KIAA1549: variants seen among roughly 807,000 people sequenced by gnomAD.
The protein encoded by KIAA1549 is UPF0606 protein KIAA1549.
KIAA1549 carries 70 observed loss-of-function variants against 156.4 expected under a neutral mutation model. The ratio of observed to expected loss-of-function variants is 0.45; its 90% confidence interval spans 0.37 to 0.55. The LOEUF is 0.55. Ranked by LOEUF, KIAA1549 falls within the 20% of genes least tolerant of loss-of-function variation. The pLI is 0.00. For missense variants in KIAA1549, 2,428 were observed against 2,540.9 expected (o/e 0.96, Z 0.96); for synonymous variants, 1,103 against 1,066.4 (o/e 1.03, Z -0.67).
At chr7:138,871,107 G>A (rs757255048) in intron 13 of KIAA1549, 50 bp downstream of exon 13, 45 of 1,557,252 alleles carry the variant, frequency 2.9e-5, no homozygotes, top group East Asian at 2.1e-4. Context: ...ATAAGCCACC[G>A]GGCTTAGCCG....
Position 138,909,045 on chromosome 7 carries a change from T to C in KIAA1549, c.3222A>G (p.Thr1074=). The change falls in exon 5 of 20, where the codon ACA becomes ACG. Residue 1074 remains threonine, a synonymous_variant. Transcript: ENST00000422774. ...FTQRIEKGLM[T]ALFEVRKHHQ... ...GGTGTTTTCTCACTTCAAAGAGAGC[T>C]GTCATTAGGCCTTTCTCAATGCGCT... is the stretch of plus-strand genomic sequence containing the variant. The C allele has an allele frequency of 6.2e-7, 1 of 1,614,030 alleles. No homozygotes were observed. The highest frequency in any genetic ancestry group is 8.5e-7 in the Non-Finnish European group (1 of 1,179,870).
chr7:138,844,916 C>G (rs1810031660), intron 17 of KIAA1549, among the ~76,000 whole-genome samples: 1 of 151,926 alleles, frequency 6.6e-6, no homozygotes, highest in Non-Finnish European at 1.5e-5. Context: ...GTCCCCCAGG[C>G]TGGAGTGCAG....
intron 1 of KIAA1549, among the ~76,000 whole-genome samples, chr7:138,947,763 C>CT (rs879306946): frequency 4.2e-4 from 62 of 147,160 alleles, no homozygotes; most frequent in East Asian, 9.9e-4. Flanking sequence ...CAGGGGCCAA[C>CT]TTTTTTTTTT....
chr7:138,876,051 G>A (rs369996516), intron 12 of KIAA1549, among the ~76,000 whole-genome samples: 39 of 151,830 alleles, frequency 2.6e-4, no homozygotes, highest in Non-Finnish European at 7.4e-5. Flanking sequence ...CGCAACCCAC[G>A]TTAACATCCT....
At chr7:138,970,527 C>A (rs1164465854) in intron 1 of KIAA1549, among the ~76,000 whole-genome samples, 4 of 152,172 alleles carry the variant, frequency 2.6e-5, no homozygotes, top group Non-Finnish European at 5.9e-5. Context: ...TGAAGTACAC[C>A]CAACTTCAAT....
In KIAA1549 at chr7:138,918,296, A is replaced by C. The variant is rs1812414943; in HGVS notation, c.1330T>G (p.Ser444Ala). ...CACAGAGTCTCGGCACCATCCCCTG[A>C]TCCCACGTCTTTCTCCATGAGGCTC... Reference protein sequence around the residue: ...ATSLMEKDVGSGDGAETLCMT... With the variant: ...ATSLMEKDVGAGDGAETLCMT... Residue 444 changes from serine (S) to alanine (A), a missense_variant, in exon 2 of 20, where the codon TCA becomes GCA. Ser to Ala is a moderately conservative substitution (Grantham distance 99). This residue lies in a region of KIAA1549 where 893 missense variants were observed against 847.9 expected (regional missense o/e 1.05). Transcript: ENST00000422774. This position sits in a 1 kb window ranked among gnomAD's most constrained non-coding sequence, Gnocchi z 4.2. 1 of 1,613,970 alleles carries C rather than the reference A, an allele frequency of 6.2e-7. No homozygotes were observed. The highest frequency in any genetic ancestry group is 8.5e-7 in the Non-Finnish European group (1 of 1,179,886).
intron 13 of KIAA1549, 33 bp from the exon 14 acceptor site, chr7:138,869,794 T>C (rs764362895): frequency 6.5e-6 from 10 of 1,541,966 alleles, no homozygotes; most frequent in Non-Finnish European, 8.9e-6. Context: ...AAGACAGCCA[T>C]AGAGGTCCCG....
chr7:138,933,132 A>G (rs1009539710), intron 1 of KIAA1549, among the ~76,000 whole-genome samples: 1 of 152,176 alleles, frequency 6.6e-6, no homozygotes, highest in Non-Finnish European at 1.5e-5. Flanking sequence ...TGAAGGGCAG[A>G]TGAGGAAACA....
At chr7:138,930,686 A>G (rs79520825) in intron 1 of KIAA1549, among the ~76,000 whole-genome samples, 12,494 of 152,298 alleles carry the variant, frequency 0.082, 628 homozygotes, top group South Asian at 0.21. Context: ...GCTCTGGATT[A>G]GGCTTTGGCT....
At chr7:138,874,477 AC>A (rs1400253355) in intron 12 of KIAA1549, among the ~76,000 whole-genome samples, 2 of 152,218 alleles carry the variant, frequency 1.3e-5, no homozygotes, top group Non-Finnish European at 2.9e-5. Context: ...ACATATCAAA[AC>A]ATCATCATTT....
chr7:138,905,266 G>A (rs1405814939), intron 6 of KIAA1549, among the ~76,000 whole-genome samples, 185 bp from the exon 7 acceptor site: 1 of 152,220 alleles, frequency 6.6e-6, no homozygotes, highest in Non-Finnish European at 1.5e-5. Flanking sequence ...GAAAAAGAGA[G>A]AGATAAAAAG....
chr7:138,903,846 TGTGTGTGCGCGC>T (rs1362397438), intron 7 of KIAA1549, 110 bp from the exon 8 acceptor site: 34 of 387,604 alleles, frequency 8.8e-5, no homozygotes, highest in East Asian at 3.5e-4. Context: ...TGTGTGTGTG[TGTGTGTGCGCGC>T]GCGCGCGCGC....
chr7:138,908,974 T>G lies in KIAA1549; in HGVS notation c.3276+17A>C. Reference sequence around the variant, plus strand: ...AAGGGCTAAAGCCTTCTGCTCTGCATTCAGTGATATTCTCACCTGCACCGT... The same window carrying G: ...AAGGGCTAAAGCCTTCTGCTCTGCAGTCAGTGATATTCTCACCTGCACCGT... On this transcript the variant is annotated intron_variant, in intron 5 of 19. Transcript: ENST00000422774. 2 of 1,613,762 alleles carry G rather than the reference T, an allele frequency of 1.2e-6. No individual in the cohort carries two copies. Among genetic ancestry groups the G allele is most frequent in the African/African-American group, 2.7e-5 (2 of 75,060 alleles).
At chr7:138,899,739 G>C (rs10954636) in intron 8 of KIAA1549, among the ~76,000 whole-genome samples, 107,640 of 151,884 alleles carry the variant, frequency 0.71, 38,449 homozygotes, top group East Asian at 0.9. Flanking sequence ...ACTGCCAGAT[G>C]CACCCTGGAG....
At chr7:138,957,602 A>T (rs2774974) in intron 1 of KIAA1549, among the ~76,000 whole-genome samples, 1 of 151,656 alleles carries the variant, frequency 6.6e-6, no homozygotes, top group African/African-American at 2.4e-5. Context: ...CTCAGCCTCC[A>T]GAGTAGATGG....
Position 138,871,282 on chromosome 7 carries a change from G to C in KIAA1549, c.4426C>G (p.Pro1476Ala), listed in dbSNP as rs554397872. 5 of 1,610,544 alleles carry C rather than the reference G, an allele frequency of 3.1e-6. No homozygotes were observed. The East Asian group carries it at 1.1e-4, about 36-fold the overall frequency. Residue 1476 changes from proline (P) to alanine (A), a missense_variant, in exon 13 of 20, where the codon CCG becomes GCG. By Grantham distance (27) the Pro-to-Ala change is conservative. Coordinates refer to ENST00000422774, the MANE Select transcript of KIAA1549 (RefSeq NM_001164665.2). ...CTGGGGACCCGCCGGCTAGCCTCCG[G>C]GGGGCGGGAGATCCTGTCCACGTGC... ...FEHVDRISRP[P>A]EASRRVPSKI... is the part of the protein sequence containing the mutation.
intron 10 of KIAA1549, among the ~76,000 whole-genome samples, chr7:138,886,898 G>A (rs1054898343): frequency 2.0e-5 from 3 of 151,932 alleles, no homozygotes; most frequent in African/African-American, 7.3e-5. Context: ...TTAAGTAAAT[G>A]TATTTATTAT....
rs541359442 is a variant in KIAA1549, at chr7:138,923,908, C to T, written c.188-4470G>A. Reference sequence around the variant, plus strand: ...GGTTCTCCTAGCATCTGAAAGTCACCAACTTAAACCACATATAAAATGCTT... The same window carrying T: ...GGTTCTCCTAGCATCTGAAAGTCACTAACTTAAACCACATATAAAATGCTT... On this transcript the variant is annotated intron_variant, in intron 1 of 19. Transcript: ENST00000422774. 1.1e-4 allele frequency among the ~76,000 whole-genome samples: 16 copies of T among 152,246 alleles called. No homozygotes were observed. In the South Asian group the frequency reaches 3.1e-3, roughly 30 times the overall value.
At chr7:138,949,923 C>T (rs77981705) in intron 1 of KIAA1549, among the ~76,000 whole-genome samples, 401 of 152,326 alleles carry the variant, frequency 2.6e-3, no homozygotes, top group African/African-American at 9.1e-3. Context: ...GGTGCCAAGC[C>T]CCACAATCTT....
Sources: allele counts gnomAD v4.1 joint callset (sites outside exome capture counted in the v4.1 genomes callset), GRCh38; gene constraint gnomAD v4.1.1; regional missense constraint gnomAD v4.1.1; non-coding constraint Gnocchi (gnomAD v3.1); transcripts MANE v1.5; gene names NCBI Gene and HGNC (gene_info 2026-07-23, HGNC 2026-07-21).